TENM4: variants seen among roughly 807,000 people sequenced by gnomAD.
TENM4 encodes teneurin-4.
TENM4 carries 82 observed loss-of-function variants against 243.3 expected under a neutral mutation model. That is an observed-to-expected ratio of 0.34 (90% CI 0.28 to 0.40). The LOEUF (loss-of-function observed/expected upper bound fraction) is 0.40, where lower values mean the gene tolerates loss of function less well. TENM4 is among the 10% of genes least tolerant of loss of function. The pLI, the probability that TENM4 is intolerant of heterozygous loss-of-function variation, is 1.00. For missense variants in TENM4, 3,138 were observed against 3,673.3 expected (o/e 0.85, Z 3.77); for synonymous variants, 1,412 against 1,456.3 (o/e 0.97, Z 0.69).
intron 2 of TENM4, among the ~76,000 whole-genome samples, chr11:79,253,276 C>A (rs535736305): frequency 6.6e-6 from 1 of 152,170 alleles, no homozygotes; most frequent in Non-Finnish European, 1.5e-5. Context: ...GCCTGACCAC[C>A]GTAAGGCCTG....
rs374357147 is a variant in TENM4, at chr11:79,287,398, G to C, written c.-265+10090C>G. 9.3e-4 allele frequency among the ~76,000 whole-genome samples: 141 copies of C among 152,306 alleles called. 1 individual carries two copies. The South Asian group carries it at 0.02, about 21-fold the overall frequency. On this transcript the variant is annotated intron_variant, in intron 2 of 33. Transcript: ENST00000278550. The stretch of plus-strand genomic sequence containing the variant: ...AGTCTCCTCAGGGTCCAGTGAGAAA[G>C]CGTGCCAGATGATGACCCCCAGACC...
chr11:79,244,998 C>T (rs1203619227), intron 2 of TENM4, among the ~76,000 whole-genome samples: 1 of 152,194 alleles, frequency 6.6e-6, no homozygotes, highest in Non-Finnish European at 1.5e-5. Flanking sequence ...AGAAAGCCTT[C>T]CTTGATTTCT....
intron 2 of TENM4, among the ~76,000 whole-genome samples, chr11:79,218,556 T>C (rs1280365054): frequency 6.6e-6 from 1 of 152,182 alleles, no homozygotes; most frequent in Non-Finnish European, 1.5e-5. Flanking sequence ...AGGCCAAAGC[T>C]TGTGACTTGG....
In TENM4 at chr11:78,708,984, T is replaced by TTTTTA. The variant is rs59432159; in HGVS notation, c.4055-470_4055-469insTAAAA. Among the ~76,000 whole-genome samples the TTTTTA allele has an allele frequency of 1.2e-3, 175 of 145,264 alleles. 2 individuals carry two copies. The highest frequency in any genetic ancestry group is 4.4e-3 in the African/African-American group (165 of 37,244). ...CTTTTTCTTTCTTTTTTTTTTTTTT[T>TTTTTA]AAAAAAAGAGTCTCGTTCTGTCACC... is the stretch of plus-strand genomic sequence containing the variant. On this transcript the variant is annotated intron_variant, in intron 26 of 33. Transcript: ENST00000278550.
intron 4 of TENM4, among the ~76,000 whole-genome samples, chr11:79,104,084 G>T (rs1861301194): frequency 6.6e-6 from 1 of 152,080 alleles, no homozygotes; most frequent in Non-Finnish European, 1.5e-5. Context: ...CCCCTCTAAA[G>T]AGTGGTCTTC....
intron 29 of TENM4, among the ~76,000 whole-genome samples, chr11:78,684,444 A>G (rs1257626536): frequency 1.3e-5 from 2 of 152,238 alleles, no homozygotes; most frequent in African/African-American, 2.4e-5. Flanking sequence ...CACTGGTTTT[A>G]TGTGCCTGGC....
intron 9 of TENM4, among the ~76,000 whole-genome samples, chr11:78,869,996 C>T (rs373606891): frequency 6.5e-4 from 99 of 152,312 alleles, no homozygotes; most frequent in African/African-American, 2.2e-3. Context: ...CAGTAAGCAA[C>T]TTGCCACAGG....
chr11:79,338,516 T>C (rs1390737240), intron 1 of TENM4, among the ~76,000 whole-genome samples: 2 of 152,242 alleles, frequency 1.3e-5, no homozygotes, highest in Non-Finnish European at 2.9e-5. Flanking sequence ...CCAAGGGACC[T>C]GAGGTCATCC....
intron 6 of TENM4, among the ~76,000 whole-genome samples, chr11:78,944,328 C>T (rs577200328): frequency 5.3e-5 from 8 of 152,128 alleles, no homozygotes; most frequent in African/African-American, 1.9e-4. Flanking sequence ...AGTACGTTTG[C>T]CAAAAGAAAA....
At chr11:78,839,954 G>C (rs1307965629) in intron 12 of TENM4, among the ~76,000 whole-genome samples, 3 of 152,144 alleles carry the variant, frequency 2.0e-5, no homozygotes, top group Admixed American at 6.5e-5. Flanking sequence ...GCCTCTGCCT[G>C]CCTTCAACAC....
chr11:79,227,984 A>C (rs1353701079), intron 2 of TENM4, among the ~76,000 whole-genome samples: 1 of 152,246 alleles, frequency 6.6e-6, no homozygotes, highest in Non-Finnish European at 1.5e-5. Flanking sequence ...GGGGAAAGTC[A>C]TTCTTTATTG....
chr11:78,857,394 CT>C (rs1858705767), intron 10 of TENM4, among the ~76,000 whole-genome samples: 1 of 152,162 alleles, frequency 6.6e-6, no homozygotes, highest in Admixed American at 6.5e-5. Context: ...TTCTTTCCCC[CT>C]AGCTTTGTAA....
chr11:79,134,661 G>A (rs753428150), intron 4 of TENM4, among the ~76,000 whole-genome samples: 1 of 152,072 alleles, frequency 6.6e-6, no homozygotes, highest in African/African-American at 2.4e-5. Flanking sequence ...ATAGACCAAC[G>A]GAACAGAATA....
intron 6 of TENM4, among the ~76,000 whole-genome samples, chr11:78,937,893 T>C (rs1172679319): frequency 6.6e-6 from 1 of 152,210 alleles, no homozygotes; most frequent in African/African-American, 2.4e-5. Context: ...TATTGGAAAA[T>C]GAGTATTGCC....
chr11:78,768,499 C>G (rs1487652458), intron 18 of TENM4, among the ~76,000 whole-genome samples: 2 of 152,238 alleles, frequency 1.3e-5, no homozygotes, highest in Non-Finnish European at 2.9e-5. Context: ...CTGTTTCTCT[C>G]TCTCTCTAGA....
intron 1 of TENM4, among the ~76,000 whole-genome samples, chr11:79,352,154 A>G (rs1315406667): frequency 6.6e-6 from 1 of 152,226 alleles, no homozygotes; most frequent in Non-Finnish European, 1.5e-5. Context: ...GTTCCTGAAT[A>G]TCTCCAAAAC....
intron 1 of TENM4, among the ~76,000 whole-genome samples, chr11:79,395,578 C>T (rs564077232): frequency 3.9e-5 from 6 of 152,292 alleles, no homozygotes; most frequent in African/African-American, 1.4e-4. Flanking sequence ...GCCCAAGTTC[C>T]AAAAGGCCAC....
At chr11:79,081,952 G>T (rs550600404) in intron 4 of TENM4, among the ~76,000 whole-genome samples, 68 of 152,230 alleles carry the variant, frequency 4.5e-4, no homozygotes, top group African/African-American at 1.5e-3. Flanking sequence ...CTTAGAGCAG[G>T]TGGGTTGTCC....
At chr11:78,943,180 G>T (rs1240905883) in intron 6 of TENM4, among the ~76,000 whole-genome samples, 1 of 152,240 alleles carries the variant, frequency 6.6e-6, no homozygotes, top group South Asian at 2.1e-4. Flanking sequence ...AGCAAACGCA[G>T]TCTGTAGGTG....
Sources: gnomAD v4.1 joint callset for allele counts (sites outside exome capture counted in the v4.1 genomes callset) on GRCh38, gnomAD v4.1.1 for gene constraint, MANE v1.5 for transcripts, NCBI Gene and HGNC (gene_info 2026-07-23, HGNC 2026-07-21) for gene names.